Variants in SMC5 observed in about 807,000 individuals in gnomAD.
SMC5 encodes structural maintenance of chromosomes 5, also known as structural maintenance of chromosomes protein 5.
A neutral mutation model predicts 148.3 loss-of-function variants in SMC5; 88 were observed. The ratio of observed to expected loss-of-function variants is 0.59; its 90% confidence interval spans 0.50 to 0.71. The LOEUF (loss-of-function observed/expected upper bound fraction) is 0.71, where lower values mean the gene tolerates loss of function less well. SMC5 is among the 30% of genes least tolerant of loss of function. The pLI, the probability that SMC5 is intolerant of heterozygous loss-of-function variation, is 0.00. For synonymous variants in SMC5, 421 were observed against 432.8 expected, an observed-to-expected ratio of 0.97 and a Z score of 0.34; for missense variants, 1,142 against 1,298.9, an observed-to-expected ratio of 0.88 and a Z score of 1.86.
At chr9:70,314,907 T>A (rs954366785) in intron 12 of SMC5, 71 bp downstream of exon 12, 1 of 974,542 alleles carries the variant, frequency 1.0e-6, no homozygotes, top group Non-Finnish European at 1.5e-6. Flanking sequence ...ATAAATAAGC[T>A]ATTACAAGCT....
chr9:70,325,254 T>A (rs1213089355), intron 17 of SMC5, among the ~76,000 whole-genome samples: 1 of 152,204 alleles, frequency 6.6e-6, no homozygotes, highest in East Asian at 1.9e-4. Context: ...CAGACTTTCC[T>A]ATTGCTCAAT....
At chr9:70,346,209 C>G (rs1158979827) in intron 18 of SMC5, among the ~76,000 whole-genome samples, 1 of 152,074 alleles carries the variant, frequency 6.6e-6, no homozygotes, top group African/African-American at 2.4e-5. Flanking sequence ...GAGCTTACAT[C>G]TCAGTAAGTC....
At chr9:70,346,736 G>A in intron 19 of SMC5, 87 bp downstream of exon 19, 1 of 1,346,716 alleles carries the variant, frequency 7.4e-7, no homozygotes, top group South Asian at 1.2e-5. Flanking sequence ...GCCCGGAGAT[G>A]AATTCTAGGC....
chr9:70,335,630 G>C (rs1345491458), intron 17 of SMC5, among the ~76,000 whole-genome samples: 1 of 152,204 alleles, frequency 6.6e-6, no homozygotes, highest in Non-Finnish European at 1.5e-5. Context: ...CAGTGAAGCT[G>C]AGTGGAAGAA....
At chr9:70,276,433 T>G (rs953426749) in intron 3 of SMC5, among the ~76,000 whole-genome samples, 2 of 152,238 alleles carry the variant, frequency 1.3e-5, no homozygotes, top group African/African-American at 4.8e-5. Flanking sequence ...ATGAAGATGT[T>G]TTAATATTTT....
At chr9:70,338,357 T>G (rs1487358743) in intron 17 of SMC5, among the ~76,000 whole-genome samples, 1 of 152,158 alleles carries the variant, frequency 6.6e-6, no homozygotes, top group Non-Finnish European at 1.5e-5. Flanking sequence ...CACATTTTGA[T>G]TCTCTTTTTG....
chr9:70,297,745 C>T (rs2118377872), intron 8 of SMC5, among the ~76,000 whole-genome samples: 1 of 152,160 alleles, frequency 6.6e-6, no homozygotes, highest in East Asian at 1.9e-4. Context: ...ATATAGTGAG[C>T]ACCACTTAAA....
At chr9:70,331,554 A>C (rs1290241262) in intron 17 of SMC5, among the ~76,000 whole-genome samples, 1 of 151,752 alleles carries the variant, frequency 6.6e-6, no homozygotes, top group Admixed American at 6.6e-5. Flanking sequence ...CACAATATTT[A>C]TGAAGGAAAT....
intron 17 of SMC5, among the ~76,000 whole-genome samples, chr9:70,340,645 T>TA (rs1261719644): frequency 6.6e-6 from 1 of 152,146 alleles, no homozygotes; most frequent in African/African-American, 2.4e-5. Context: ...ACCTAGAACT[T>TA]AATTTTATTC....
intron 24 of SMC5, 59 bp from the exon 25 acceptor site, chr9:70,352,132 T>A (rs1211151275): frequency 4.9e-6 from 7 of 1,438,382 alleles, no homozygotes; most frequent in Middle Eastern, 1.8e-4. Flanking sequence ...ACATGTAAGG[T>A]TGGAAAACTA....
chr9:70,298,128 G>A lies in SMC5; in HGVS notation c.1216G>A (p.Asp406Asn), dbSNP rs762770470. Residue 406 changes from aspartate (D) to asparagine (N), a missense_variant, in exon 9 of 25, where the codon GAT (aspartate) becomes AAT (asparagine). Physicochemically the swap from Asp to Asn is conservative, Grantham distance 23. Coordinates refer to ENST00000361138, the MANE Select transcript of SMC5 (RefSeq NM_015110.4). Reference sequence around the variant, plus strand: ...GCCCCAGATTGATGCCATTACAAATGATCTGAGACGGATTCAGGATGAAAA... The same window carrying A: ...GCCCCAGATTGATGCCATTACAAATAATCTGAGACGGATTCAGGATGAAAA... ...LQPQIDAITN[D>N]LRRIQDEKAL... 2 of 1,614,040 alleles carry A rather than the reference G, an allele frequency of 1.2e-6. No homozygotes were observed. Among genetic ancestry groups the A allele is most frequent in the Non-Finnish European group, 1.7e-6 (2 of 1,179,946 alleles).
chr9:70,278,733 G>A (rs2034666087), intron 5 of SMC5, 108 bp downstream of exon 5: 1 of 1,155,958 alleles, frequency 8.7e-7, no homozygotes, highest in Admixed American at 3.1e-5. Context: ...TCGTATTTGT[G>A]ATTTTTTTTC....
chr9:70,333,691 A>T (rs928763324), intron 17 of SMC5, among the ~76,000 whole-genome samples: 3 of 152,206 alleles, frequency 2.0e-5, no homozygotes, highest in Non-Finnish European at 4.4e-5. Context: ...AGATCATGTC[A>T]CTGCACTCCA....
In SMC5 at chr9:70,354,835, A is replaced by G. The variant is rs1487918998; in HGVS notation, c.*2504A>G. ...TGTGTGTAATTGAAAAAACTGGGAA[A>G]TCCTGCTTTGTTGGTAATAAATCAA... On this transcript the variant is annotated 3_prime_UTR_variant, in exon 25 of 25. Transcript: ENST00000361138. 1 of 151,980 alleles carries G rather than the reference A, an allele frequency of 6.6e-6. No homozygotes were observed. The highest frequency in any genetic ancestry group is 1.5e-5 in the Non-Finnish European group (1 of 67,988). 9.4% of individuals were successfully genotyped at this position (151,980 alleles called of 1,614,324 possible).
chr9:70,312,451 G>T (rs2035683307), intron 11 of SMC5, among the ~76,000 whole-genome samples: 2 of 152,108 alleles, frequency 1.3e-5, no homozygotes, highest in African/African-American at 4.8e-5. Context: ...ATGAGATTTG[G>T]GTGGGAACAC....
chr9:70,341,031 G>T (rs2036509513), intron 17 of SMC5, among the ~76,000 whole-genome samples: 1 of 152,032 alleles, frequency 6.6e-6, no homozygotes, highest in Non-Finnish European at 1.5e-5. Flanking sequence ...TTAAAGGCTA[G>T]ACTCTAAGCA....
chr9:70,311,467 A>G (rs2035655173), intron 11 of SMC5: 1 of 152,234 alleles, frequency 6.6e-6, no homozygotes, highest in Admixed American at 6.5e-5. Context: ...ATATACAACA[A>G]TAATAAACAA....
chr9:70,338,524 A>G (rs1473559925), intron 17 of SMC5, among the ~76,000 whole-genome samples: 6 of 150,436 alleles, frequency 4.0e-5, no homozygotes, highest in Middle Eastern at 3.4e-3. Context: ...TAACTGCCAG[A>G]AAAAAAAAAT....
chr9:70,286,252 T>C lies in SMC5; in HGVS notation c.1034T>C (p.Ile345Thr), dbSNP rs752175461. Residue 345 changes from isoleucine to threonine, a missense_variant, in exon 8 of 25, where the codon ATA becomes ACA. Transcript: ENST00000361138. Reference sequence around the variant, plus strand: ...AAATGCAAACAGAAGCAAGATGTTATAGAAAGGAAAGATAAACATGTAAGG... The same window carrying C: ...AAATGCAAACAGAAGCAAGATGTTACAGAAAGGAAAGATAAACATGTAAGG... ...SQKCKQKQDV[I>T]ERKDKHIEEL... 6.9e-6 allele frequency: 11 copies of C among 1,602,876 alleles called. No individual in the cohort carries two copies. The highest frequency in any genetic ancestry group is 1.3e-5 in the African/African-American group (1 of 74,104).
Sources: allele counts gnomAD v4.1 joint callset (sites outside exome capture counted in the v4.1 genomes callset), GRCh38; gene constraint gnomAD v4.1.1; transcripts MANE v1.5; gene names NCBI Gene and HGNC (gene_info 2026-07-23, HGNC 2026-07-21).